The following TNPO1 variants were observed in gnomAD, a reference collection of about 807,000 sequenced individuals.
TNPO1 encodes transportin-1.
Under a neutral mutation model 119.5 loss-of-function variants are expected in TNPO1, and 8 were observed. The ratio of observed to expected loss-of-function variants is 0.07; its 90% confidence interval spans 0.04 to 0.12. The LOEUF is 0.12. Among genes scored for constraint, TNPO1 ranks in the 10% least tolerant of loss-of-function variants. The probability of loss-of-function intolerance (pLI) is 1.00; values close to 1 mark genes in which losing one functional copy is unlikely to be tolerated. For missense variants in TNPO1, 576 were observed against 1,089.8 expected (o/e 0.53, Z 6.64); for synonymous variants, 362 against 363.0 (o/e 1.00, Z 0.03).
chr5:72,875,577 C>T, intron 7 of TNPO1, 38 bp from the exon 8 acceptor site: 1 of 1,598,228 alleles, frequency 6.3e-7, no homozygotes, highest in South Asian at 1.1e-5. Context: ...GTGTGTAAGC[C>T]TTTCTAAAAC....
intron 1 of TNPO1, among the ~76,000 whole-genome samples, chr5:72,825,484 G>A (rs1020139110): frequency 1.1e-4 from 16 of 152,076 alleles, no homozygotes; most frequent in Non-Finnish European, 1.9e-4. Flanking sequence ...TCAGGAGATC[G>A]AGACCATCCT....
intron 10 of TNPO1, 52 bp from the exon 11 acceptor site, chr5:72,883,012 A>G (rs72764815): frequency 3.2e-5 from 40 of 1,258,236 alleles, no homozygotes; most frequent in Non-Finnish European, 4.4e-5. Flanking sequence ...TCATGTACAT[A>G]CTATTAGCCT....
intron 8 of TNPO1, 96 bp downstream of exon 8, chr5:72,875,833 A>G: frequency 7.4e-6 from 10 of 1,349,460 alleles, no homozygotes; most frequent in Non-Finnish European, 1.0e-5. Flanking sequence ...GGGACTATAA[A>G]ATAGTTATAA....
intron 8 of TNPO1, among the ~76,000 whole-genome samples, chr5:72,876,207 G>A (rs1419284667): frequency 6.6e-6 from 1 of 152,178 alleles, no homozygotes; most frequent in Non-Finnish European, 1.5e-5. Flanking sequence ...AATTTATAAT[G>A]TTACAGTTCT....
intron 11 of TNPO1, among the ~76,000 whole-genome samples, chr5:72,883,998 C>T (rs1186708163): frequency 6.6e-6 from 1 of 152,100 alleles, no homozygotes; most frequent in Non-Finnish European, 1.5e-5. Flanking sequence ...GATCCACCCG[C>T]CTTGCCCTCC....
rs188404234 is a variant in TNPO1, at chr5:72,856,401, T to A, written c.355+478T>A. Among the ~76,000 whole-genome samples the A allele has an allele frequency of 6.5e-3, 993 of 152,078 alleles. 11 individuals carry two copies. The highest frequency in any genetic ancestry group is 0.037 in the Middle Eastern group (11 of 294). Reference sequence around the variant, plus strand: ...CACCCGCCACCATGCCTGGCTAATTTTTGTACTTTTTAGTAGAGACAGGGT... The same window carrying A: ...CACCCGCCACCATGCCTGGCTAATTATTGTACTTTTTAGTAGAGACAGGGT... On this transcript the variant is annotated intron_variant, in intron 4 of 24. Coordinates refer to ENST00000337273, the MANE Select transcript of TNPO1 (RefSeq NM_002270.4).
intron 5 of TNPO1, among the ~76,000 whole-genome samples, chr5:72,864,103 T>C (rs1746696775): frequency 6.6e-6 from 1 of 152,186 alleles, no homozygotes; most frequent in African/African-American, 2.4e-5. Flanking sequence ...TCACATTTAA[T>C]TTGATGTAAT....
chr5:72,882,391 A>G, intron 9 of TNPO1, 76 bp from the exon 10 acceptor site: 1 of 1,068,456 alleles, frequency 9.4e-7, no homozygotes, highest in Non-Finnish European at 1.4e-6. Flanking sequence ...TTTTATTAGT[A>G]CATGTAAGGT....
chr5:72,908,365 C>G (rs1465275264), intron 24 of TNPO1, among the ~76,000 whole-genome samples: 2 of 152,156 alleles, frequency 1.3e-5, no homozygotes, highest in African/African-American at 2.4e-5. Context: ...TAAGAAATAA[C>G]AAGTTCCCAT....
rs573260597 is a variant in TNPO1 at position 72,911,113 on chromosome 5, C to T, written c.*2440C>T. 6.6e-6 allele frequency: 1 copy of T among 151,894 alleles called. No individual in the cohort carries two copies. The highest frequency in any genetic ancestry group is 2.1e-4 in the South Asian group (1 of 4,786). 9.4% of individuals were successfully genotyped at this position (151,894 alleles called of 1,614,324 possible). On this transcript the variant is annotated 3_prime_UTR_variant, in exon 25 of 25. Transcript: ENST00000337273. ...CTAATATGAGAGATAGTTTAATATT[C>T]TGGAATAGAGAGTATTTTAAATTGA...
rs1179602102 is a variant in TNPO1 at position 72,903,407 on chromosome 5, A to G, written c.2515-302A>G. Among the ~76,000 whole-genome samples, 7 of 152,156 alleles carry G rather than the reference A, an allele frequency of 4.6e-5. No homozygotes were observed. The East Asian group carries it at 1.3e-3, about 29-fold the overall frequency. ...TGAAAGAGTATTTTTATGGGTGTCG[A>G]TTTGGTGCTTTCAGTTCATTTCTGA... On this transcript the variant is annotated intron_variant, in intron 22 of 24. Coordinates refer to ENST00000337273, the MANE Select transcript of TNPO1 (RefSeq NM_002270.4).
chr5:72,900,617 A>G (rs1749736014), intron 21 of TNPO1, among the ~76,000 whole-genome samples: 1 of 152,158 alleles, frequency 6.6e-6, no homozygotes, highest in South Asian at 2.1e-4. Context: ...AATTCAAATC[A>G]TTTTAGTAGT....
chr5:72,877,419 T>A, intron 9 of TNPO1, 73 bp downstream of exon 9: 1 of 757,870 alleles, frequency 1.3e-6, no homozygotes, highest in South Asian at 2.6e-5. Context: ...CATATTTTTA[T>A]AAAATTCATT....
At chr5:72,816,891 A>G (rs1246238967) in intron 1 of TNPO1, 139 bp downstream of exon 1, 1 of 1,116,944 alleles carries the variant, frequency 9.0e-7, no homozygotes. Context: ...TTTGAAGCCG[A>G]GAGGCAGCGG....
intron 1 of TNPO1, 124 bp from the exon 2 acceptor site, chr5:72,848,261 G>A: frequency 7.6e-7 from 1 of 1,314,842 alleles, no homozygotes; most frequent in Non-Finnish European, 9.8e-7. Context: ...GGTCCGCGGC[G>A]TTTGGGGAGC....
chr5:72,834,678 G>A (rs970673086), intron 1 of TNPO1, among the ~76,000 whole-genome samples: 3 of 152,120 alleles, frequency 2.0e-5, no homozygotes, highest in Non-Finnish European at 2.9e-5. Flanking sequence ...AAAAGTTACA[G>A]TAACAGCTGA....
At position 72,908,813 on chromosome 5, in the gene TNPO1, C is replaced by A; in HGVS notation, c.*140C>A. ...AGTAGGGAATACAGTACAATCCCAA[C>A]CCTACTGGGAGGGGCGGGAGGGAGG... On this transcript the variant is annotated 3_prime_UTR_variant, in exon 25 of 25. Coordinates refer to ENST00000337273, the MANE Select transcript of TNPO1 (RefSeq NM_002270.4). 2.3e-6 allele frequency: 1 copy of A among 430,500 alleles called. No individual in the cohort carries two copies. The allele number at this position is 430,500 out of a possible 1,614,324, so 26.7% of individuals were successfully genotyped here. A position where few individuals can be genotyped will look rare whatever the true frequency, so the allele number is the denominator to read the frequency against.
chr5:72,857,037 C>T (rs1746052103), intron 4 of TNPO1, among the ~76,000 whole-genome samples: 1 of 152,122 alleles, frequency 6.6e-6, no homozygotes, highest in African/African-American at 2.4e-5. Context: ...TTAAGAGTTC[C>T]TGACTGGGCA....
At chr5:72,838,361 C>T (rs918687985) in intron 1 of TNPO1, among the ~76,000 whole-genome samples, 3 of 152,142 alleles carry the variant, frequency 2.0e-5, no homozygotes, top group Non-Finnish European at 2.9e-5. Context: ...TAATGGTTAT[C>T]CCAGTGTGCT....
Sources: gnomAD v4.1 joint callset for allele counts (sites outside exome capture counted in the v4.1 genomes callset) on GRCh38, gnomAD v4.1.1 for gene constraint, MANE v1.5 for transcripts, NCBI Gene and HGNC (gene_info 2026-07-23, HGNC 2026-07-21) for gene names.